The following ELMOD3 variants were observed in gnomAD, a reference collection of about 807,000 sequenced individuals.
ELMOD3 encodes the protein ELMO domain-containing protein 3.
Under a neutral mutation model 47.4 loss-of-function variants are expected in ELMOD3, and 36 were observed. That is an observed-to-expected ratio of 0.76 (90% CI 0.58 to 1.00). ELMOD3 has a LOEUF of 1.00. Among genes scored for constraint, ELMOD3 ranks in the 50% least tolerant of loss-of-function variants. The probability of loss-of-function intolerance (pLI) is 0.00; values close to 1 mark genes in which losing one functional copy is unlikely to be tolerated. For synonymous variants in ELMOD3, 149 were observed against 183.5 expected (o/e 0.81, Z 1.52); for missense variants, 404 against 463.8 (o/e 0.87, Z 1.18).
At chr2:85,377,085 A>G (rs891775445) in intron 10 of ELMOD3, among the ~76,000 whole-genome samples, 5 of 152,250 alleles carry the variant, frequency 3.3e-5, no homozygotes, top group Non-Finnish European at 5.9e-5. Context: ...GGTTTTGTGT[A>G]GAAGTAACTA....
intron 10 of ELMOD3, among the ~76,000 whole-genome samples, chr2:85,375,042 C>T: frequency 6.6e-6 from 1 of 151,718 alleles, no homozygotes; most frequent in East Asian, 1.9e-4. Context: ...AAGATCGTGC[C>T]ACTGCACTCC....
rs531692546 is a variant in ELMOD3, at chr2:85,389,750, G to A, written c.739-1G>A. ...GCTGACTGGGTGCCCCTCCATTCCA[G>A]CAATTCCCTTTCTGTTTGATGTCCG... is the stretch of plus-strand genomic sequence containing the variant. On this transcript the variant is annotated splice_acceptor_variant, in intron 11 of 13. Coordinates refer to ENST00000409013, the MANE Select transcript of ELMOD3 (RefSeq NM_001135022.2). LOFTEE classifies it high-confidence loss of function. 1.9e-6 allele frequency: 3 copies of A among 1,614,034 alleles called. No individual in the cohort carries two copies. The African/African-American group carries it at 4.0e-5, about 22-fold the overall frequency.
chr2:85,374,081 T>C (rs917008870), intron 10 of ELMOD3, among the ~76,000 whole-genome samples: 2 of 152,024 alleles, frequency 1.3e-5, no homozygotes, highest in Non-Finnish European at 2.9e-5. Flanking sequence ...TTGACAGTTC[T>C]TTTTTTTCAG....
At position 85,369,834 on chromosome 2, in the gene ELMOD3, T is replaced by C; in HGVS notation, c.360+4T>C. On this transcript the variant is annotated splice_donor_region_variant and intron_variant, in intron 8 of 13. Transcript: ENST00000409013. ...TGTGGACCTTTCCCCCTTCAAGGTA[T>C]GAGGGTAGCAGGGTTTGGAGTCTCA... The C allele has an allele frequency of 1.9e-6, 3 of 1,613,928 alleles. No individual in the cohort carries two copies. Among genetic ancestry groups the C allele is most frequent in the Non-Finnish European group, 2.5e-6 (3 of 1,179,916 alleles).
intron 11 of ELMOD3, among the ~76,000 whole-genome samples, chr2:85,379,273 G>A (rs540183666): frequency 1.6e-4 from 24 of 152,304 alleles, no homozygotes; most frequent in Admixed American, 4.6e-4. Context: ...GCAGTGGCGC[G>A]ATAGCACACT....
chr2:85,368,126 G>A (rs998606194), intron 6 of ELMOD3, among the ~76,000 whole-genome samples: 1 of 152,120 alleles, frequency 6.6e-6, no homozygotes, highest in Non-Finnish European at 1.5e-5. Context: ...TAGCCAGGAT[G>A]GTCTCGATCT....
chr2:85,379,426 C>T (rs971057814), intron 11 of ELMOD3, among the ~76,000 whole-genome samples: 15 of 152,214 alleles, frequency 9.9e-5, no homozygotes, highest in South Asian at 4.1e-4. Flanking sequence ...AGGCTGGTCT[C>T]GAGCTCCAGA....
chr2:85,391,102 G>A lies in ELMOD3; in HGVS notation c.*140G>A. 1 of 817,330 alleles carries A rather than the reference G, an allele frequency of 1.2e-6. No homozygotes were observed. The highest frequency in any genetic ancestry group is 1.9e-6 in the Non-Finnish European group (1 of 523,798). 50.6% of individuals were successfully genotyped at this position (817,330 alleles called of 1,614,324 possible). On this transcript the variant is annotated 3_prime_UTR_variant, in exon 14 of 14. Coordinates refer to ENST00000409013, the MANE Select transcript of ELMOD3 (RefSeq NM_001135022.2). Reference sequence around the variant, plus strand: ...ATAGGAAGCTCCTGGGCTTAGCTGTGGGAAGCCAAGTACCCTCACCGGCAT... The same window carrying A: ...ATAGGAAGCTCCTGGGCTTAGCTGTAGGAAGCCAAGTACCCTCACCGGCAT...
Position 85,376,494 on chromosome 2 carries a change from A to G in ELMOD3, c.608-850A>G, listed in dbSNP as rs115452883. On this transcript the variant is annotated intron_variant, in intron 10 of 13. Coordinates refer to ENST00000409013, the MANE Select transcript of ELMOD3 (RefSeq NM_001135022.2). This position sits in a 1 kb window ranked among gnomAD's most constrained non-coding sequence, Gnocchi z 4.2. ...CCAGGGGTGCCTCGTTACTCTTCCTATGTGGCTTCCACATTGCAGAGGAGG... is the reference window on the plus strand; with the variant it reads ...CCAGGGGTGCCTCGTTACTCTTCCTGTGTGGCTTCCACATTGCAGAGGAGG... 0.01 allele frequency among the ~76,000 whole-genome samples: 1,569 copies of G among 152,140 alleles called. 24 individuals carry two copies. Among genetic ancestry groups the G allele is most frequent in the African/African-American group, 0.037 (1,515 of 41,500 alleles).
chr2:85,354,851 C>T, intron 1 of ELMOD3, 22 bp downstream of exon 1: 1 of 210,020 alleles, frequency 4.8e-6, no homozygotes. Flanking sequence ...TTAACACTTG[C>T]CAAGGGGAGT....
intron 5 of ELMOD3, among the ~76,000 whole-genome samples, 177 bp downstream of exon 5, chr2:85,362,437 C>T (rs994398264): frequency 2.0e-5 from 3 of 147,740 alleles, no homozygotes; most frequent in Non-Finnish European, 4.5e-5. Context: ...TACAAAACAA[C>T]TTCTATTTAA....
At chr2:85,383,526 T>C (rs940422982) in intron 11 of ELMOD3, among the ~76,000 whole-genome samples, 1 of 152,138 alleles carries the variant, frequency 6.6e-6, no homozygotes, top group African/African-American at 2.4e-5. Flanking sequence ...GAGAAGCTAC[T>C]GGTCTCAGGC....
At chr2:85,383,548 T>A (rs556018139) in intron 11 of ELMOD3, among the ~76,000 whole-genome samples, 1 of 152,106 alleles carries the variant, frequency 6.6e-6, no homozygotes, top group Non-Finnish European at 1.5e-5. Flanking sequence ...GGTCTTGAAC[T>A]CCTTACCTCA....
At chr2:85,371,028 A>T (rs1684749568) in intron 8 of ELMOD3, 58 bp from the exon 9 acceptor site, 1 of 1,580,928 alleles carries the variant, frequency 6.3e-7, no homozygotes. Context: ...GCCTGATGGG[A>T]AGTTGATTAA....
At chr2:85,359,389 G>GTAGTTTT (rs1267619084) in intron 4 of ELMOD3, among the ~76,000 whole-genome samples, 1 of 147,138 alleles carries the variant, frequency 6.8e-6, no homozygotes, top group Non-Finnish European at 1.5e-5. Context: ...ATGAAACACA[G>GTAGTTTT]TAGTTTTACA....
intron 11 of ELMOD3, among the ~76,000 whole-genome samples, chr2:85,382,525 T>TG (rs891600263): frequency 6.6e-6 from 1 of 151,262 alleles, no homozygotes; most frequent in African/African-American, 2.4e-5. Context: ...CAAGGACTTT[T>TG]TTTTTTTGAG....
chr2:85,357,118 A>G lies in ELMOD3; in HGVS notation c.-81A>G. 2.1e-6 allele frequency: 2 copies of G among 956,878 alleles called. No individual in the cohort carries two copies. The highest frequency in any genetic ancestry group is 3.2e-6 in the Non-Finnish European group (2 of 615,524). 59.3% of individuals were successfully genotyped at this position (956,878 alleles called of 1,614,324 possible). A position where few individuals can be genotyped will look rare whatever the true frequency, so the allele number is the denominator to read the frequency against. ...AGAGCAACTGGATCTCTGGCTCTCCACATAGCTTCTGATCTCAGACCTTAC... is the reference window on the plus strand; with the variant it reads ...AGAGCAACTGGATCTCTGGCTCTCCGCATAGCTTCTGATCTCAGACCTTAC... On this transcript the variant is annotated 5_prime_UTR_variant, in exon 4 of 14. Coordinates refer to ENST00000409013, the MANE Select transcript of ELMOD3 (RefSeq NM_001135022.2).
At chr2:85,371,969 G>A (rs1684825731) in intron 10 of ELMOD3, 1 of 190,178 alleles carries the variant, frequency 5.3e-6, no homozygotes, top group Non-Finnish European at 1.1e-5. Flanking sequence ...AAGAGTTCGA[G>A]ACCAGGCTGG....
rs1229104472 is a variant in ELMOD3, at chr2:85,391,285, G to C, written c.*323G>C. The C allele has an allele frequency of 4.0e-6, 1 of 247,592 alleles. No homozygotes were observed. Among genetic ancestry groups the C allele is most frequent in the African/African-American group, 2.3e-5 (1 of 44,248 alleles). 15.3% of individuals were successfully genotyped at this position (247,592 alleles called of 1,614,324 possible). ...TCATGAGGTGGGATGGCCCCATCTG[G>C]ATGTTCTGCAGATCCCCACATGGGA... is the stretch of plus-strand genomic sequence containing the variant. On this transcript the variant is annotated 3_prime_UTR_variant, in exon 14 of 14. Transcript: ENST00000409013.
Sources: gnomAD v4.1 joint callset for allele counts (sites outside exome capture counted in the v4.1 genomes callset) on GRCh38, gnomAD v4.1.1 for gene constraint, Gnocchi (gnomAD v3.1) non-coding constraint, MANE v1.5 for transcripts, NCBI Gene and HGNC (gene_info 2026-07-23, HGNC 2026-07-21) for gene names.